Variants in CLIC5 observed in about 807,000 individuals in gnomAD.
CLIC5 encodes CLIC family member 5, also known as chloride intracellular channel protein 5.
CLIC5 carries 20 observed loss-of-function variants against 24.7 expected under a neutral mutation model. The ratio of observed to expected loss-of-function variants is 0.81; its 90% CI spans 0.57 to 1.18. CLIC5 has a LOEUF of 1.18. CLIC5 is among the 50% of genes most tolerant of loss of function. The pLI, the probability that CLIC5 is intolerant of heterozygous loss-of-function variation, is 0.00. For synonymous variants in CLIC5, 159 were observed against 135.6 expected (o/e 1.17, Z -1.20); for missense variants, 341 against 326.1 (o/e 1.05, Z -0.35).
At chr6:45,890,712 C>T (rs562586464) in intron 6 of CLIC5, among the ~76,000 whole-genome samples, 1 of 152,246 alleles carries the variant, frequency 6.6e-6, no homozygotes, top group African/African-American at 2.4e-5. Context: ...TATATAATCA[C>T]AATGGAATGC....
chr6:45,915,291 T>A (rs558961228), intron 4 of CLIC5, among the ~76,000 whole-genome samples: 1 of 152,268 alleles, frequency 6.6e-6, no homozygotes, highest in African/African-American at 2.4e-5. Flanking sequence ...CACATCAACC[T>A]ACATATTACA....
In CLIC5 at chr6:45,982,664, C is replaced by T. The variant is rs760578142; in HGVS notation, c.64-27420G>A. 7.2e-4 allele frequency among the ~76,000 whole-genome samples: 110 copies of T among 152,262 alleles called. 1 individual carries two copies. Among genetic ancestry groups the T allele is most frequent in the Non-Finnish European group, 2.4e-4 (16 of 68,028 alleles). On this transcript the variant is annotated intron_variant, in intron 1 of 5. Transcript: ENST00000339561. Reference sequence around the variant, plus strand: ...ACAGTATTATAATTTTATGGGACCACCGTCTTCTACGGGGTCCGTCGTTGG... The same window carrying T: ...ACAGTATTATAATTTTATGGGACCATCGTCTTCTACGGGGTCCGTCGTTGG...
At chr6:46,092,899 G>A in the CLIC5 span, among the ~76,000 whole-genome samples, 1 of 152,122 alleles carries the variant, frequency 6.6e-6, no homozygotes, top group African/African-American at 2.4e-5. Flanking sequence ...TGTCTACAGT[G>A]TACAGTGTAC....
chr6:45,928,312 G>T (rs972004391), intron 4 of CLIC5, among the ~76,000 whole-genome samples: 19 of 152,334 alleles, frequency 1.2e-4, no homozygotes, highest in Admixed American at 4.6e-4. Flanking sequence ...TTGCTAGAAG[G>T]TTCAGTGCAC....
chr6:46,066,260 T>C (rs1275746880), intron 1 of CLIC5, among the ~76,000 whole-genome samples: 1 of 152,162 alleles, frequency 6.6e-6, no homozygotes, highest in Non-Finnish European at 1.5e-5. Context: ...CAACAGGACT[T>C]GTCAAAATCC....
At chr6:46,127,547 CTT>C in the CLIC5 span, among the ~76,000 whole-genome samples, 1 of 152,170 alleles carries the variant, frequency 6.6e-6, no homozygotes, top group Non-Finnish European at 1.5e-5. Flanking sequence ...TAAAACAACA[CTT>C]ATGCCTAAAA....
chr6:45,974,971 T>C (rs1765338248), intron 1 of CLIC5, among the ~76,000 whole-genome samples: 1 of 152,180 alleles, frequency 6.6e-6, no homozygotes, highest in Non-Finnish European at 1.5e-5. Context: ...ACTTACAGTT[T>C]TCAGAGCTTT....
intron 1 of CLIC5, among the ~76,000 whole-genome samples, chr6:46,030,937 G>T (rs570154412): frequency 6.6e-6 from 1 of 152,052 alleles, no homozygotes; most frequent in African/African-American, 2.4e-5. Flanking sequence ...TTCTTGCAGC[G>T]AAATTCTCAT....
Position 45,988,331 on chromosome 6 carries a change from T to TG in CLIC5, c.63+27148dup, listed in dbSNP as rs1765812624. ...TTGATATCCCACCTTCTTAGCCTGC[T>TG]GGGGTGGCAGTTCTGCCCCCATGAC... On this transcript the variant is annotated intron_variant, in intron 1 of 5. Coordinates refer to ENST00000339561, the MANE Select transcript of CLIC5 (RefSeq NM_016929.5). 3.3e-5 allele frequency among the ~76,000 whole-genome samples: 5 copies of TG among 152,242 alleles called. No individual in the cohort carries two copies. The South Asian group carries it at 1.0e-3, about 32-fold the overall frequency.
intron 1 of CLIC5, among the ~76,000 whole-genome samples, chr6:46,074,608 AG>A (rs780333080): frequency 4.1e-4 from 63 of 152,348 alleles, no homozygotes; most frequent in Non-Finnish European, 5.7e-4. Context: ...TATCAGAGAT[AG>A]GCTCTGAAGC....
chr6:46,069,367 A>G (rs747996064), intron 1 of CLIC5, among the ~76,000 whole-genome samples: 8 of 152,138 alleles, frequency 5.3e-5, no homozygotes, highest in Non-Finnish European at 1.2e-4. Flanking sequence ...ATTAGAAACA[A>G]CAAAAGGGAT....
At chr6:45,912,076 C>A in intron 5 of CLIC5, 1 of 985,914 alleles carries the variant, frequency 1.0e-6, no homozygotes, top group Non-Finnish European at 1.2e-6. Context: ...TTCGCAGGGA[C>A]TTCCATGCTC....
intron 3 of CLIC5, among the ~76,000 whole-genome samples, chr6:45,945,488 C>T (rs1209613142): frequency 6.6e-6 from 1 of 152,066 alleles, no homozygotes; most frequent in Non-Finnish European, 1.5e-5. Flanking sequence ...TTTGGGAGAT[C>T]TTTCTTCTCT....
At chr6:45,889,447 A>T (rs946308587) in intron 6 of CLIC5, among the ~76,000 whole-genome samples, 2 of 152,222 alleles carry the variant, frequency 1.3e-5, no homozygotes, top group African/African-American at 4.8e-5. Flanking sequence ...GTCCATAGCC[A>T]GATCTCCAGA....
At chr6:45,905,328 C>T (rs1280334579) in intron 5 of CLIC5, among the ~76,000 whole-genome samples, 3 of 152,092 alleles carry the variant, frequency 2.0e-5, no homozygotes, top group African/African-American at 7.2e-5. Context: ...ATTTACATTC[C>T]CATTAACACT....
intron 1 of CLIC5, among the ~76,000 whole-genome samples, chr6:45,993,358 A>G (rs963774980): frequency 2.0e-5 from 3 of 152,220 alleles, no homozygotes; most frequent in Admixed American, 6.5e-5. Context: ...TATGATCACT[A>G]TGGTAGGCAA....
At chr6:45,896,044 T>A (rs1476421474), downstream of CLIC5, among the ~76,000 whole-genome samples, 1 of 152,226 alleles carries the variant, frequency 6.6e-6, no homozygotes, top group Non-Finnish European at 1.5e-5. Flanking sequence ...ACTCTTTGCA[T>A]AAATAAATGC....
At chr6:45,951,057 T>C (rs942453697) in intron 2 of CLIC5, among the ~76,000 whole-genome samples, 9 of 152,204 alleles carry the variant, frequency 5.9e-5, no homozygotes, top group African/African-American at 9.7e-5. Context: ...TTTATGAAAG[T>C]TATTTCTTCT....
intron 4 of CLIC5, among the ~76,000 whole-genome samples, chr6:45,916,945 G>A (rs1438502382): frequency 6.6e-6 from 1 of 152,168 alleles, no homozygotes; most frequent in African/African-American, 2.4e-5. Context: ...GAGGAGACAA[G>A]GCAACAGGGA....
Sources: allele counts gnomAD v4.1 joint callset (sites outside exome capture counted in the v4.1 genomes callset), GRCh38; gene constraint gnomAD v4.1.1; transcripts MANE v1.5; gene names NCBI Gene and HGNC (gene_info 2026-07-23, HGNC 2026-07-21).